MYO1F: variants seen among roughly 807,000 people sequenced by gnomAD.
MYO1F encodes the protein unconventional myosin-If.
A neutral mutation model predicts 146.6 loss-of-function variants in MYO1F; 60 were observed. That is an observed-to-expected ratio of 0.41 (90% CI 0.33 to 0.51). MYO1F has a LOEUF of 0.51. Ranked by LOEUF, MYO1F falls within the 20% of genes least tolerant of loss-of-function variation. MYO1F has a pLI of 0.25. For synonymous variants in MYO1F, 602 were observed against 602.1 expected (o/e 1.00, Z 0.00); for missense variants, 1,274 against 1,534.3 (o/e 0.83, Z 2.83).
At chr19:8,525,704 C>G (rs1048127232) in intron 24 of MYO1F, 142 bp from the exon 25 acceptor site, 1 of 758,926 alleles carries the variant, frequency 1.3e-6, no homozygotes, top group East Asian at 2.7e-5. Flanking sequence ...TACAGTTACA[C>G]TGGCTCCGCC....
Position 8,547,007 on chromosome 19 carries a change from C to T in MYO1F, c.1269+1029G>A, listed in dbSNP as rs567382129. Among the ~76,000 whole-genome samples the T allele has an allele frequency of 2.6e-5, 4 of 152,194 alleles. No individual in the cohort carries two copies. The East Asian group carries it at 7.7e-4, about 29-fold the overall frequency. On this transcript the variant is annotated intron_variant, in intron 12 of 27. Coordinates refer to ENST00000644032, the MANE Select transcript of MYO1F (RefSeq NM_012335.4). ...CTCTCTCTCTTTGTTAAAAAAATCC[C>T]TGTCTCAGGACTGGGCATATTAACT... is the stretch of plus-strand genomic sequence containing the variant.
In MYO1F at chr19:8,557,681, T is replaced by A. The variant is rs1156828713; in HGVS notation, c.4-1885A>T. 2.6e-5 allele frequency among the ~76,000 whole-genome samples: 4 copies of A among 152,266 alleles called. No homozygotes were observed. The East Asian group carries it at 7.7e-4, about 29-fold the overall frequency. On this transcript the variant is annotated intron_variant, in intron 1 of 27. Transcript: ENST00000644032. ...TCACTTCCCATGAAGGATGCCAGGC[T>A]TGGCGGGCAGGGCACAGAGTGCTTG...
At position 8,530,927 on chromosome 19, in the gene MYO1F, C is replaced by T. The variant is rs1331145854; in HGVS notation, c.2044-354G>A. Among the ~76,000 whole-genome samples, 4 of 152,222 alleles carry T rather than the reference C, an allele frequency of 2.6e-5. No homozygotes were observed. The highest frequency in any genetic ancestry group is 7.2e-5 in the African/African-American group (3 of 41,538). Reference sequence around the variant, plus strand: ...GGCATGGTGGTAGATGCCTGTGATCCCAGCTACTCGGGAGCCTGAGGCAGG... The same window carrying T: ...GGCATGGTGGTAGATGCCTGTGATCTCAGCTACTCGGGAGCCTGAGGCAGG... On this transcript the variant is annotated intron_variant, in intron 19 of 27. Transcript: ENST00000644032. The surrounding 1 kb of genome is among the most constrained non-coding windows in gnomAD (Gnocchi z 5.8).
chr19:8,551,682 AG>A, intron 8 of MYO1F, 57 bp downstream of exon 8: 1 of 1,613,302 alleles, frequency 6.2e-7, no homozygotes, highest in Non-Finnish European at 8.5e-7. Flanking sequence ...GTAACTCAGG[AG>A]GGTTTCTGGG....
chr19:8,521,184 CT>C lies in MYO1F; in HGVS notation c.*343del, dbSNP rs1172855797. 2.3e-4 allele frequency: 90 copies of C among 387,682 alleles called. No homozygotes were observed. The highest frequency in any genetic ancestry group is 3.3e-4 in the Non-Finnish European group (68 of 203,148). The allele number at this position is 387,682 out of a possible 1,614,324, so 24.0% of individuals were successfully genotyped here. On this transcript the variant is annotated 3_prime_UTR_variant, in exon 28 of 28. Transcript: ENST00000644032. The stretch of plus-strand genomic sequence containing the variant: ...AGTCACGCTTGTTAAGGACCCCCCC[CT>C]CCCCAACTGTGCCTGGCACTTTGCC...
chr19:8,532,946 AC>A lies in MYO1F; in HGVS notation c.2044-2374del, dbSNP rs1568337778. 4.1e-5 allele frequency among the ~76,000 whole-genome samples: 6 copies of A among 145,402 alleles called. No individual in the cohort carries two copies. In the South Asian group the frequency reaches 6.6e-4, roughly 16 times the overall value. On this transcript the variant is annotated intron_variant, in intron 19 of 27. Transcript: ENST00000644032. The stretch of plus-strand genomic sequence containing the variant: ...CACACACACACACACACACACACAC[AC>A]ACAATTGGGCTTTATTTAGAAAAAT...
At position 8,526,902 on chromosome 19, in the gene MYO1F, C is replaced by G. The variant is rs182601554; in HGVS notation, c.2508G>C (p.Glu836Asp). The G allele has an allele frequency of 3.6e-4, 577 of 1,613,998 alleles. 5 individuals are homozygous for G. In the African/African-American group the frequency reaches 6.7e-3, roughly 19 times the overall value. Residue 836 changes from glutamate to aspartate, a missense_variant, in exon 23 of 28, where the codon GAG becomes GAC. Around this residue, in one of 2 missense-constraint regions of MYO1F, gnomAD observed 374 missense variants for 379.2 expected, o/e 0.99. Transcript: ENST00000644032. Reference sequence around the variant, plus strand: ...TCTCCAGGAAGCTGTCGGCGGCATCCTCTTGGAGGATGAAGAAGTCGTCCT... The same window carrying G: ...TCTCCAGGAAGCTGTCGGCGGCATCGTCTTGGAGGATGAAGAAGTCGTCCT... ...TRQDDFFILQ[E>D]DAADSFLESV...
intron 2 of MYO1F, 91 bp downstream of exon 2, chr19:8,555,568 C>T (rs914592969): frequency 1.9e-6 from 3 of 1,573,132 alleles, no homozygotes; most frequent in African/African-American, 2.7e-5. Context: ...CCGGCCCATT[C>T]CTCCCTCTGC....
In MYO1F at chr19:8,536,930, A is replaced by G. The variant is rs777116833; in HGVS notation, c.1799+19T>C. 43 of 1,230,370 alleles carry G rather than the reference A, an allele frequency of 3.5e-5. No individual in the cohort carries two copies. The highest frequency in any genetic ancestry group is 4.4e-5 in the Non-Finnish European group (41 of 930,418). 76.2% of individuals were successfully genotyped at this position (1,230,370 alleles called of 1,614,324 possible). On this transcript the variant is annotated intron_variant, in intron 17 of 27. Coordinates refer to ENST00000644032, the MANE Select transcript of MYO1F (RefSeq NM_012335.4). Reference sequence around the variant, plus strand: ...AGGGCCTGGGGGGAATGAATCTTGGATTGGTTGGGGGGGATCACCTGTTCT... The same window carrying G: ...AGGGCCTGGGGGGAATGAATCTTGGGTTGGTTGGGGGGGATCACCTGTTCT...
intron 1 of MYO1F, among the ~76,000 whole-genome samples, chr19:8,566,528 T>TAA: frequency 6.6e-6 from 1 of 150,550 alleles, no homozygotes; most frequent in Non-Finnish European, 1.5e-5. Flanking sequence ...ATTTATTTAT[T>TAA]TTTGAAACAG....
intron 19 of MYO1F, among the ~76,000 whole-genome samples, chr19:8,531,998 A>T (rs892409543): frequency 6.6e-6 from 1 of 152,072 alleles, no homozygotes; most frequent in African/African-American, 2.4e-5. Flanking sequence ...CATGCCTGTC[A>T]TCCCAGCTAC....
chr19:8,551,498 C>T (rs994807201), intron 8 of MYO1F: 5 of 510,556 alleles, frequency 9.8e-6, no homozygotes, highest in African/African-American at 7.8e-5. Flanking sequence ...ATTACAGTCA[C>T]ACGCCACCAC....
At chr19:8,534,833 G>A (rs1972638066) in intron 19 of MYO1F, among the ~76,000 whole-genome samples, 1 of 151,634 alleles carries the variant, frequency 6.6e-6, no homozygotes, top group Non-Finnish European at 1.5e-5. Context: ...CACCATGTTG[G>A]TCGGGCTGGT....
rs1973697010 is a variant in MYO1F at position 8,553,378 on chromosome 19, T to G, written c.386A>C (p.Lys129Thr). The change falls in exon 5 of 28, where the codon AAG (lysine) becomes ACG (threonine). Residue 129 changes from lysine to threonine, a missense_variant. Physicochemically the swap from Lys to Thr is moderately conservative, Grantham distance 78 (BLOSUM62 -1). Transcript: ENST00000644032. ...GACCTTCTCGCCTCCGCCAGACACC[T>G]TGGAGATGTAGCCCATGATATATTT... ...AAKYIMGYIS[K>T]VSGGGEKVQH... 14 of 1,614,012 alleles carry G rather than the reference T, an allele frequency of 8.7e-6. No individual in the cohort carries two copies. Among genetic ancestry groups the G allele is most frequent in the Non-Finnish European group, 1.1e-5 (13 of 1,180,030 alleles).
intron 24 of MYO1F, 86 bp from the exon 25 acceptor site, chr19:8,525,648 C>T (rs1387910023): frequency 9.0e-7 from 1 of 1,109,694 alleles, no homozygotes; most frequent in Non-Finnish European, 1.3e-6. Flanking sequence ...TGAGGCTCCG[C>T]CGCACCCCGC....
chr19:8,522,647 G>C lies in MYO1F; in HGVS notation c.3037C>G (p.Gln1013Glu), dbSNP rs1972108728. The change falls in exon 26 of 28, where the codon CAG becomes GAG. Residue 1013 changes from glutamine to glutamate, a missense_variant. Transcript: ENST00000644032. ...CACCCCACCTACCCGGCCATGCCCT[G>C]GTCAGGCACGTTGAGGAATTCTGTG... ...HNTEFLNVPD[Q>E]GMAGMQRKRS... 5 of 1,613,798 alleles carry C rather than the reference G, an allele frequency of 3.1e-6. No homozygotes were observed. In the East Asian group the frequency reaches 1.1e-4, roughly 36 times the overall value.
chr19:8,522,419 G>T lies in MYO1F; in HGVS notation c.3178C>A (p.Leu1060Met). Residue 1060 changes from leucine to methionine, a missense_variant, in exon 27 of 28, where the codon CTG becomes ATG. Around this residue, in one of 2 missense-constraint regions of MYO1F, gnomAD observed 374 missense variants for 379.2 expected, o/e 0.99. Transcript: ENST00000644032. ...ATGACCTCGTTCACGTTGAAGCTCAGCTCGTCCACATCTTGGCCCACGTAC... is the reference window on the plus strand; with the variant it reads ...ATGACCTCGTTCACGTTGAAGCTCATCTCGTCCACATCTTGGCCCACGTAC... ...YQYVGQDVDE[L>M]SFNVNEVIEI... 6.2e-7 allele frequency: 1 copy of T among 1,614,156 alleles called. No individual in the cohort carries two copies.
chr19:8,564,954 GTA>G (rs1240031588), intron 1 of MYO1F, among the ~76,000 whole-genome samples: 1 of 151,716 alleles, frequency 6.6e-6, no homozygotes, highest in Non-Finnish European at 1.5e-5. Flanking sequence ...TGTGTTTTTA[GTA>G]GAGACAGGAT....
At chr19:8,554,885 T>C (rs1973779071) in intron 2 of MYO1F, 142 bp from the exon 3 acceptor site, 2 of 851,610 alleles carry the variant, frequency 2.3e-6, no homozygotes, top group Non-Finnish European at 3.9e-6. Flanking sequence ...CTCGAGTCTC[T>C]TGGAAAAAAC....
Sources: gnomAD v4.1 joint callset for allele counts (sites outside exome capture counted in the v4.1 genomes callset) on GRCh38, gnomAD v4.1.1 for gene constraint, gnomAD v4.1.1 regional missense constraint, Gnocchi (gnomAD v3.1) non-coding constraint, MANE v1.5 for transcripts, NCBI Gene and HGNC (gene_info 2026-07-23, HGNC 2026-07-21) for gene names.